Variants in ZNFX1 observed in about 807,000 individuals in gnomAD.
ZNFX1 encodes the protein zinc finger NFX1-type containing 1.
In ZNFX1, 78 loss-of-function variants were observed where a neutral mutation model predicts 179.8. That is an observed-to-expected ratio of 0.43 (90% CI 0.36 to 0.52). The LOEUF (loss-of-function observed/expected upper bound fraction) is 0.52, where lower values mean the gene tolerates loss of function less well. Among genes scored for constraint, ZNFX1 ranks in the 20% least tolerant of loss-of-function variants. ZNFX1 has a pLI of 0.00. For synonymous variants in ZNFX1, 848 were observed against 868.5 expected (o/e 0.98, Z 0.42); for missense variants, 1,927 against 2,386.6 (o/e 0.81, Z 4.01).
chr20:49,258,047 C>G (rs1053701707), intron 7 of ZNFX1, among the ~76,000 whole-genome samples: 1 of 150,794 alleles, frequency 6.6e-6, no homozygotes, highest in Non-Finnish European at 1.5e-5. Flanking sequence ...GGACAGAAGA[C>G]GGCACCTGCA....
rs183175679 is a variant in ZNFX1, at chr20:49,261,599, G to C, written c.2302-1022C>G. 1.4e-4 allele frequency among the ~76,000 whole-genome samples: 21 copies of C among 151,998 alleles called. No homozygotes were observed. In the East Asian group the frequency reaches 3.9e-3, roughly 28 times the overall value. Reference sequence around the variant, plus strand: ...GAGGAGCAGGAAAAATAACTGATGAGTACTAGGCTTAATATCTAGGTGATG... The same window carrying C: ...GAGGAGCAGGAAAAATAACTGATGACTACTAGGCTTAATATCTAGGTGATG... On this transcript the variant is annotated intron_variant, in intron 6 of 13. Coordinates refer to ENST00000396105, the MANE Select transcript of ZNFX1 (RefSeq NM_021035.3).
rs1981002475 is a variant in ZNFX1, at chr20:49,257,658, G to A, written c.2423C>T (p.Ala808Val). The A allele has an allele frequency of 1.2e-6, 2 of 1,612,274 alleles. No homozygotes were observed. Among genetic ancestry groups the A allele is most frequent in the Non-Finnish European group, 1.7e-6 (2 of 1,179,794 alleles). Residue 808 changes from alanine to valine, a missense_variant, in exon 8 of 14, where the codon GCA (alanine) becomes GTA (valine). Coordinates refer to ENST00000396105, the MANE Select transcript of ZNFX1 (RefSeq NM_021035.3). ...CCCTTCTTCCTCCTCATCCCCTTCT[G>A]CCTGGGCTAAGAGAGAGAAACAGGC... Reference protein sequence around the residue: ...SPAGPENTAQAEGDEEEEGEE... With the variant: ...SPAGPENTAQVEGDEEEEGEE...
intron 8 of ZNFX1, 148 bp downstream of exon 8, chr20:49,257,269 C>T: frequency 1.7e-6 from 2 of 1,155,956 alleles, no homozygotes; most frequent in Non-Finnish European, 2.4e-6. Flanking sequence ...CCTTGGGAAT[C>T]ACTAAAGCCA....
In ZNFX1 at chr20:49,246,737, AGG is replaced by A. The variant is rs1265083404; in HGVS notation, c.*528_*529del. 2.0e-5 allele frequency: 8 copies of A among 409,258 alleles called. No homozygotes were observed. In the East Asian group the frequency reaches 5.0e-4, roughly 26 times the overall value. The allele number at this position is 409,258 out of a possible 1,614,324, so 25.4% of individuals were successfully genotyped here. On this transcript the variant is annotated 3_prime_UTR_variant, in exon 14 of 14. Coordinates refer to ENST00000396105, the MANE Select transcript of ZNFX1 (RefSeq NM_021035.3). ...TCTGTCCACTAATTTGCAGGAGAGA[AGG>A]GGTGAGATTTGTTAACTTTGCTCTC... is the stretch of plus-strand genomic sequence containing the variant.
intron 12 of ZNFX1, among the ~76,000 whole-genome samples, chr20:49,251,842 C>CTT (rs71186445): frequency 1.2e-3 from 159 of 134,240 alleles, no homozygotes; most frequent in African/African-American, 4.1e-3. Context: ...ATTTTTCTTT[C>CTT]TTTTTTTTTT....
rs147644086 is a variant in ZNFX1 at position 49,252,075 on chromosome 20, C to T, written c.3217-453G>A. ...CACGAGCTCCTGAACTCAAGGGATC[C>T]GCCCGCCTTGGCCTCCCAAAGTGCT... On this transcript the variant is annotated intron_variant, in intron 12 of 13. Transcript: ENST00000396105. 8.9e-3 allele frequency among the ~76,000 whole-genome samples: 1,345 copies of T among 151,962 alleles called. 20 individuals are homozygous for T. The highest frequency in any genetic ancestry group is 0.03 in the African/African-American group (1,261 of 41,454).
intron 7 of ZNFX1, among the ~76,000 whole-genome samples, chr20:49,257,924 G>C (rs1288892693): frequency 6.6e-6 from 1 of 151,832 alleles, no homozygotes; most frequent in Non-Finnish European, 1.5e-5. Flanking sequence ...ATGTTGGTCA[G>C]GCTGGTCTCG....
At chr20:49,264,974 T>C in intron 4 of ZNFX1, 110 bp from the exon 5 acceptor site, 4 of 1,483,122 alleles carry the variant, frequency 2.7e-6, no homozygotes, top group Non-Finnish European at 3.7e-6. Flanking sequence ...AGAATAAACT[T>C]GTGCTTAAAG....
chr20:49,251,405 T>G, intron 13 of ZNFX1, 122 bp downstream of exon 13: 1 of 710,636 alleles, frequency 1.4e-6, no homozygotes, highest in Non-Finnish European at 2.3e-6. Flanking sequence ...CTTCCCAAAG[T>G]GCTGGGATTA....
In ZNFX1 at chr20:49,271,554, C is replaced by G. The variant is rs762598329; in HGVS notation, c.258G>C (p.Gly86=). Reference sequence around the variant, plus strand: ...GGTCTCTAGCTTCGTCGCTGGCATGCCCCTCCTGGTTCCTCCTTCCTTGAT... The same window carrying G: ...GGTCTCTAGCTTCGTCGCTGGCATGGCCCTCCTGGTTCCTCCTTCCTTGAT... ...NPHQGRRNQE[G]HASDEARDQR... Residue 86 remains glycine, a synonymous_variant, in exon 3 of 14, where the codon GGG becomes GGC. Coordinates refer to ENST00000396105, the MANE Select transcript of ZNFX1 (RefSeq NM_021035.3). 3 of 1,614,058 alleles carry G rather than the reference C, an allele frequency of 1.9e-6. No individual in the cohort carries two copies. The East Asian group carries it at 6.7e-5, about 36-fold the overall frequency.
chr20:49,271,750 C>T lies in ZNFX1; in HGVS notation c.62G>A (p.Gly21Asp). 6.3e-7 allele frequency: 1 copy of T among 1,599,400 alleles called. No individual in the cohort carries two copies. The highest frequency in any genetic ancestry group is 1.1e-5 in the South Asian group (1 of 90,484). The change falls in exon 3 of 14, where the codon GGC (glycine) becomes GAC (aspartate). Residue 21 changes from glycine to aspartate, a missense_variant and splice_region_variant. By Grantham distance (94) the Gly-to-Asp change is moderately conservative. Coordinates refer to ENST00000396105, the MANE Select transcript of ZNFX1 (RefSeq NM_021035.3). The part of the protein sequence containing the change: ...RPRNSHTNHR[G>D]PVDGELPPRA... ...TGGTGGTAACTCTCCATCCACAGGGCCTAAACACAATGAAATATTGAGTAA... is the reference window on the plus strand; with the variant it reads ...TGGTGGTAACTCTCCATCCACAGGGTCTAAACACAATGAAATATTGAGTAA...
intron 3 of ZNFX1, among the ~76,000 whole-genome samples, chr20:49,266,808 G>C (rs58282926): frequency 1.3e-3 from 198 of 152,136 alleles, no homozygotes; most frequent in African/African-American, 4.7e-3. Flanking sequence ...GATGGGAGGG[G>C]AAAACTTGTA....
chr20:49,273,110 T>C (rs1466078188), intron 2 of ZNFX1, among the ~76,000 whole-genome samples: 1 of 152,176 alleles, frequency 6.6e-6, no homozygotes, highest in Non-Finnish European at 1.5e-5. Context: ...TTCCTTGTTT[T>C]GCATTTTGTA....
At chr20:49,275,686 C>T (rs1648188771) in intron 2 of ZNFX1, 93 bp downstream of exon 2, 1 of 1,207,970 alleles carries the variant, frequency 8.3e-7, no homozygotes, top group South Asian at 1.2e-5. Flanking sequence ...GAGATGCAGA[C>T]AATCTTAGGT....
chr20:49,252,758 C>G lies in ZNFX1; in HGVS notation c.3178G>C (p.Val1060Leu). The G allele has an allele frequency of 6.2e-7, 1 of 1,614,124 alleles. No individual in the cohort carries two copies. The highest frequency in any genetic ancestry group is 1.1e-5 in the South Asian group (1 of 91,078). Reference protein sequence around the residue: ...NLEVSLFERLVKVNIPFVRLN... With the variant: ...NLEVSLFERLLKVNIPFVRLN... ...CGGACAAAGGGAATGTTTACTTTCACTAGCCGTTCAAAAAGGGACACCTCA... is the reference window on the plus strand; with the variant it reads ...CGGACAAAGGGAATGTTTACTTTCAGTAGCCGTTCAAAAAGGGACACCTCA... Residue 1060 changes from valine to leucine, a missense_variant, in exon 12 of 14, where the codon GTG (valine) becomes CTG (leucine). Val to Leu is a conservative substitution (Grantham distance 32, BLOSUM62 1). Transcript: ENST00000396105.
Position 49,249,619 on chromosome 20 carries a change from G to C in ZNFX1, c.3405C>G (p.His1135Gln), listed in dbSNP as rs775478176. 1 of 1,614,240 alleles carries C rather than the reference G, an allele frequency of 6.2e-7. No individual in the cohort carries two copies. Among genetic ancestry groups the C allele is most frequent in the Admixed American group, 1.7e-5 (1 of 60,030 alleles). Residue 1135 changes from histidine (H) to glutamine (Q), a missense_variant, in exon 14 of 14, where the codon CAC becomes CAG. By Grantham distance (24) the His-to-Gln change is conservative (BLOSUM62 0). Transcript: ENST00000396105. ...AGTACTTGCACAGCTCTACCACAAA[G>C]TGAGCCTCATGCTGGTTCTGATGGC... ...GKSHQNQHEA[H>Q]FVVELCKYFL...
At chr20:49,261,005 C>T (rs1031478990) in intron 6 of ZNFX1, among the ~76,000 whole-genome samples, 12 of 152,136 alleles carry the variant, frequency 7.9e-5, no homozygotes, top group African/African-American at 2.2e-4. Context: ...TGCTTGAACC[C>T]GGGAGGCAGA....
chr20:49,248,058 C>T lies in ZNFX1; in HGVS notation c.4966G>A (p.Glu1656Lys), dbSNP rs201396931. ...AGCCGTTCCTGGCTGGTTGCTATTTCCCCTGCTGAGCCCTGGATCTTTTCC... is the reference window on the plus strand; with the variant it reads ...AGCCGTTCCTGGCTGGTTGCTATTTTCCCTGCTGAGCCCTGGATCTTTTCC... The part of the protein sequence containing the change: ...IKEKIQGSAG[E>K]IATSQERLKA... The change falls in exon 14 of 14, where the codon GAA (glutamate) becomes AAA (lysine). Residue 1656 changes from glutamate to lysine, a missense_variant. Glu to Lys is a moderately conservative substitution (Grantham distance 56). Coordinates refer to ENST00000396105, the MANE Select transcript of ZNFX1 (RefSeq NM_021035.3). This position sits in a 1 kb window ranked among gnomAD's most constrained non-coding sequence, Gnocchi z 4.6. The T allele has an allele frequency of 1.9e-6, 3 of 1,614,210 alleles. No individual in the cohort carries two copies. The East Asian group carries it at 6.7e-5, about 36-fold the overall frequency.
At position 49,265,456 on chromosome 20, in the gene ZNFX1, G is replaced by A. The variant is rs144263930; in HGVS notation, c.2003-592C>T. The stretch of plus-strand genomic sequence containing the variant: ...GGCAGCAATAAATGTAGTGAGTACT[G>A]GTAGCAGGGGACATTACCTAGTCTG... On this transcript the variant is annotated intron_variant, in intron 4 of 13. Transcript: ENST00000396105. 5.9e-5 allele frequency among the ~76,000 whole-genome samples: 9 copies of A among 152,240 alleles called. No homozygotes were observed. In the East Asian group the frequency reaches 1.7e-3, roughly 29 times the overall value.
Sources: allele counts gnomAD v4.1 joint callset (sites outside exome capture counted in the v4.1 genomes callset), GRCh38; gene constraint gnomAD v4.1.1; non-coding constraint Gnocchi (gnomAD v3.1); transcripts MANE v1.5; gene names NCBI Gene and HGNC (gene_info 2026-07-23, HGNC 2026-07-21).